The following DACH2 variants were observed in gnomAD, a reference collection of about 807,000 sequenced individuals.
DACH2 encodes dachshund homolog 2.
A neutral mutation model predicts 35.8 loss-of-function variants in DACH2; 17 were observed. The ratio of observed to expected loss-of-function variants is 0.48; its 90% CI spans 0.33 to 0.71. The LOEUF is 0.71. Among genes scored for constraint, DACH2 ranks in the 30% least tolerant of loss-of-function variants. The pLI is 0.02. For missense variants in DACH2, 469 were observed against 472.7 expected, an observed-to-expected ratio of 0.99 and a Z score of 0.07; for synonymous variants, 195 against 177.3, an observed-to-expected ratio of 1.10 and a Z score of -0.79.
intron 1 of DACH2, among the ~76,000 whole-genome samples, chrX:86,221,148 G>A (rs1206476389): frequency 1.8e-5 from 2 of 111,163 alleles, no homozygotes; most frequent in African/African-American, 6.5e-5. Flanking sequence ...CCAATTCCAT[G>A]ATGCTTTTCC....
chrX:86,175,772 A>G (rs2031283179), intron 1 of DACH2, among the ~76,000 whole-genome samples: 1 of 111,234 alleles, frequency 9.0e-6, no homozygotes, highest in Admixed American at 9.6e-5. Context: ...TGGAGATTCT[A>G]GTTGATACAG....
Position 86,213,911 on chromosome X carries a change from G to T in DACH2, c.488+64803G>T, listed in dbSNP as rs187803275. On this transcript the variant is annotated intron_variant, in intron 1 of 11. Transcript: ENST00000373125. ...TTAATATTAACTGCTTATATAATAA[G>T]TATATATATTCTTAAGAATTGTGTA... 3.6e-5 allele frequency among the ~76,000 whole-genome samples: 4 copies of T among 110,859 alleles called. No individual in the cohort carries two copies. The East Asian group carries it at 1.1e-3, about 31-fold the overall frequency.
chrX:86,233,499 T>C (rs2032993695), intron 1 of DACH2, among the ~76,000 whole-genome samples: 1 of 112,037 alleles, frequency 8.9e-6, no homozygotes, highest in African/African-American at 3.2e-5. Context: ...CCATTTAAAC[T>C]GGTTTCCAGG....
At chrX:86,307,029 G>A (rs576883136) in intron 1 of DACH2, among the ~76,000 whole-genome samples, 405 of 111,731 alleles carry the variant, frequency 3.6e-3, no homozygotes, top group Middle Eastern at 0.023. Context: ...CAAAATAAAT[G>A]CATTTGACAC....
chrX:86,823,898 G>T (rs2042537628), intron 11 of DACH2, among the ~76,000 whole-genome samples: 3 of 111,716 alleles, frequency 2.7e-5, no homozygotes, highest in Non-Finnish European at 5.6e-5. Flanking sequence ...AAGATCACAT[G>T]CTTCTGAGGA....
intron 2 of DACH2, among the ~76,000 whole-genome samples, chrX:86,403,002 G>A (rs2036461696): frequency 9.0e-6 from 1 of 111,462 alleles, no homozygotes. Flanking sequence ...GAAACTAGAG[G>A]CCTAAATTTT....
At chrX:86,182,542 T>C (rs895556682) in intron 1 of DACH2, among the ~76,000 whole-genome samples, 6 of 112,085 alleles carry the variant, frequency 5.4e-5, no homozygotes, top group Middle Eastern at 4.7e-3. Flanking sequence ...TCCGTTGGTC[T>C]ACATATCTGT....
At chrX:86,826,354 G>A (rs1216424587) in intron 11 of DACH2, among the ~76,000 whole-genome samples, 3 of 111,190 alleles carry the variant, frequency 2.7e-5, no homozygotes, top group Non-Finnish European at 3.8e-5. Context: ...ATGACCTATT[G>A]ACCTATCCTG....
chrX:86,605,070 G>C (rs2039839576), intron 3 of DACH2, among the ~76,000 whole-genome samples: 1 of 111,666 alleles, frequency 9.0e-6, no homozygotes, highest in South Asian at 3.7e-4. Context: ...CTGATGCAAT[G>C]ATTCTAGTGA....
chrX:86,315,993 T>C (rs1412899541), intron 1 of DACH2, among the ~76,000 whole-genome samples: 1 of 111,008 alleles, frequency 9.0e-6, no homozygotes, highest in Non-Finnish European at 1.9e-5. Context: ...TGTCTTATCT[T>C]CCTAAGGCCC....
In DACH2 at chrX:86,195,073, C is replaced by G. The variant is rs540522278; in HGVS notation, c.488+45965C>G. ...CCAGTCCTCCTGCTCCTTCCCCACA[C>G]TGCAGCTTCCCCTGGGCCCACAGCA... On this transcript the variant is annotated intron_variant, in intron 1 of 11. Coordinates refer to ENST00000373125, the MANE Select transcript of DACH2 (RefSeq NM_053281.3). Among the ~76,000 whole-genome samples, 21 of 113,103 alleles carry G rather than the reference C, an allele frequency of 1.9e-4. No homozygotes were observed. In the South Asian group the frequency reaches 7.5e-3, roughly 41 times the overall value.
chrX:86,590,033 C>A (rs770403030), intron 3 of DACH2, among the ~76,000 whole-genome samples: 5 of 111,528 alleles, frequency 4.5e-5, no homozygotes, highest in Admixed American at 9.6e-5. Context: ...CAAGCAGTTA[C>A]CACCGCTAAG....
intron 5 of DACH2, among the ~76,000 whole-genome samples, chrX:86,696,118 AT>A (rs2041065628): frequency 9.0e-6 from 1 of 111,524 alleles, no homozygotes; most frequent in Non-Finnish European, 1.9e-5. Flanking sequence ...TCTTGTGTAT[AT>A]TACTTTTGTA....
chrX:86,463,913 G>A (rs1569410860), intron 2 of DACH2, among the ~76,000 whole-genome samples: 1 of 110,804 alleles, frequency 9.0e-6, no homozygotes, highest in East Asian at 2.9e-4. Flanking sequence ...CAACAAACAC[G>A]AAAAAAAACT....
chrX:86,503,131 A>T (rs1225423680), intron 2 of DACH2, among the ~76,000 whole-genome samples: 1 of 112,354 alleles, frequency 8.9e-6, no homozygotes, highest in East Asian at 2.8e-4. Context: ...CCCTCATGTA[A>T]ATTTCAAAGA....
At chrX:86,365,862 C>T (rs999580127) in intron 1 of DACH2, among the ~76,000 whole-genome samples, 2 of 111,394 alleles carry the variant, frequency 1.8e-5, no homozygotes, top group African/African-American at 6.5e-5. Context: ...TAACTGAGTT[C>T]TATAACAGAG....
chrX:86,186,896 A>T (rs1000081133), intron 1 of DACH2, among the ~76,000 whole-genome samples: 1 of 111,762 alleles, frequency 8.9e-6, no homozygotes, highest in Non-Finnish European at 1.9e-5. Context: ...CACCTTTGTC[A>T]GGTTGGTACT....
At chrX:86,697,666 A>G (rs1303853500) in intron 5 of DACH2, among the ~76,000 whole-genome samples, 2 of 101,713 alleles carry the variant, frequency 2.0e-5, no homozygotes, top group East Asian at 6.1e-4. Context: ...AAAGGTAGAA[A>G]CCCTAAGAAA....
intron 3 of DACH2, among the ~76,000 whole-genome samples, chrX:86,556,457 C>A (rs191407633): frequency 9.1e-6 from 1 of 109,881 alleles, no homozygotes; most frequent in African/African-American, 3.3e-5. Context: ...AGATTGGGTT[C>A]TTAAATACTA....
Sources: gnomAD v4.1 joint callset for allele counts (sites outside exome capture counted in the v4.1 genomes callset) on GRCh38, gnomAD v4.1.1 for gene constraint, MANE v1.5 for transcripts, NCBI Gene and HGNC (gene_info 2026-07-23, HGNC 2026-07-21) for gene names.